ECT2L: variants seen among roughly 807,000 people sequenced by gnomAD.
ECT2L encodes epithelial cell transforming 2 like, also known as epithelial cell-transforming sequence 2 oncogene-like.
In ECT2L, 126 loss-of-function variants were observed where a neutral mutation model predicts 122.8. The observed-to-expected ratio is 1.03, with a 90% CI of 0.89 to 1.19. The LOEUF is 1.19. Among genes scored for constraint, ECT2L ranks in the 50% most tolerant of loss-of-function variants. The pLI, the probability that ECT2L is intolerant of heterozygous loss-of-function variation, is 0.00. For missense variants in ECT2L, 1,012 were observed against 1,064.1 expected, an observed-to-expected ratio of 0.95 and a Z score of 0.68; for synonymous variants, 385 against 381.8, an observed-to-expected ratio of 1.01 and a Z score of -0.10.
chr6:138,835,569 T>A (rs78350749), intron 4 of ECT2L, among the ~76,000 whole-genome samples: 4 of 145,280 alleles, frequency 2.8e-5, no homozygotes, highest in African/African-American at 5.0e-5. Flanking sequence ...AAAAAAAAAA[T>A]AGTTAACAGT....
At chr6:138,869,864 G>A (rs1311414237) in intron 13 of ECT2L, among the ~76,000 whole-genome samples, 2 of 152,116 alleles carry the variant, frequency 1.3e-5, no homozygotes, top group Non-Finnish European at 2.9e-5. Context: ...TTCCTCATTT[G>A]GCCAAGGGGT....
chr6:138,850,371 A>T (rs999846071), intron 9 of ECT2L, among the ~76,000 whole-genome samples: 1 of 151,922 alleles, frequency 6.6e-6, no homozygotes, highest in Non-Finnish European at 1.5e-5. Context: ...TCTTGCACTC[A>T]TGACCTCCAG....
intron 18 of ECT2L, among the ~76,000 whole-genome samples, chr6:138,886,512 A>C (rs991943034): frequency 3.3e-5 from 5 of 151,866 alleles, no homozygotes; most frequent in African/African-American, 1.2e-4. Context: ...GATTCAAGCA[A>C]TCCTCCCACC....
intron 15 of ECT2L, 51 bp downstream of exon 15, chr6:138,881,222 G>A: frequency 6.5e-7 from 1 of 1,535,850 alleles, no homozygotes; most frequent in East Asian, 2.4e-5. Flanking sequence ...ACTGAGAAGA[G>A]CCCATGCTTT....
At chr6:138,824,974 T>A (rs1014785846) in intron 4 of ECT2L, among the ~76,000 whole-genome samples, 1 of 152,122 alleles carries the variant, frequency 6.6e-6, no homozygotes, top group Admixed American at 6.6e-5. Context: ...AGCAACAGTA[T>A]GTGTGTGTGC....
chr6:138,862,517 T>G, intron 10 of ECT2L, 110 bp from the exon 11 acceptor site: 2 of 1,039,668 alleles, frequency 1.9e-6, no homozygotes, highest in Non-Finnish European at 2.9e-6. Context: ...ACCTCCAACG[T>G]TGGGGATTAG....
intron 4 of ECT2L, among the ~76,000 whole-genome samples, chr6:138,832,753 T>G (rs1234877324): frequency 6.7e-6 from 1 of 149,940 alleles, no homozygotes; most frequent in Non-Finnish European, 1.5e-5. Flanking sequence ...TTTTTGTTGT[T>G]TTTTTTTTAA....
rs200500625 is a variant in ECT2L at position 138,844,390 on chromosome 6, C to A, written c.596-22C>A. 3.3e-4 allele frequency: 533 copies of A among 1,610,042 alleles called. 1 individual carries two copies. Among genetic ancestry groups the A allele is most frequent in the Non-Finnish European group, 3.0e-4 (348 of 1,177,266 alleles). On this transcript the variant is annotated intron_variant, in intron 6 of 21. Transcript: ENST00000541398. ...GAGAAGTATGAAGTAATCAGCCCCG[C>A]CTGCTGTTCTTTGTTTTTCAGAGGA...
At chr6:138,871,909 A>G (rs575164093) in intron 13 of ECT2L, among the ~76,000 whole-genome samples, 5 of 152,160 alleles carry the variant, frequency 3.3e-5, no homozygotes, top group African/African-American at 9.6e-5. Flanking sequence ...TCCCCGACAA[A>G]GTGCCCAAGT....
At chr6:138,820,047 A>G (rs1346728561) in intron 4 of ECT2L, among the ~76,000 whole-genome samples, 1 of 152,158 alleles carries the variant, frequency 6.6e-6, no homozygotes, top group Non-Finnish European at 1.5e-5. Flanking sequence ...ACTGTTGATT[A>G]CTGGCCCAGC....
intron 20 of ECT2L, among the ~76,000 whole-genome samples, chr6:138,890,793 G>A (rs1217299306): frequency 6.6e-6 from 1 of 151,896 alleles, no homozygotes; most frequent in African/African-American, 2.4e-5. Context: ...TTTTTTGTGT[G>A]TAAAAAATTT....
chr6:138,837,749 G>C (rs1210691157), intron 4 of ECT2L, among the ~76,000 whole-genome samples: 1 of 151,754 alleles, frequency 6.6e-6, no homozygotes. Flanking sequence ...AAAATCTTGA[G>C]TTGTTTTAAA....
chr6:138,802,079 T>TCACTTGCTCACTTC, intron 1 of ECT2L, among the ~76,000 whole-genome samples: 1 of 152,322 alleles, frequency 6.6e-6, no homozygotes, highest in Non-Finnish European at 1.5e-5. Flanking sequence ...TCTTGCTCAC[T>TCACTTGCTCACTTC]CACTTGGGTG....
chr6:138,885,772 G>A lies in ECT2L; in HGVS notation c.2201G>A (p.Arg734His), dbSNP rs373798235. The A allele has an allele frequency of 3.5e-5, 57 of 1,614,038 alleles. No homozygotes were observed. Among genetic ancestry groups the A allele is most frequent in the African/African-American group, 5.3e-5 (4 of 74,922 alleles). ...CATACCCCTGCAGAGCATGTTGACC[G>A]TGGGGACTTGACCACTGCAATTGAC... ...RLHTPAEHVDRGDLTTAIDQI... is the reference protein window; with the variant it reads ...RLHTPAEHVDHGDLTTAIDQI... The change falls in exon 18 of 22, where the codon CGT becomes CAT. Residue 734 changes from arginine to histidine, a missense_variant. Arg to His is a conservative substitution (Grantham distance 29). Transcript: ENST00000541398.
chr6:138,865,106 T>C lies in ECT2L; in HGVS notation c.1402T>C (p.Leu468=), dbSNP rs1777982089. 1.9e-6 allele frequency: 3 copies of C among 1,614,074 alleles called. No individual in the cohort carries two copies. The South Asian group carries it at 3.3e-5, about 18-fold the overall frequency. The stretch of plus-strand genomic sequence containing the variant: ...CTTCACAGACTTCCTAGAAGAAACC[T>C]TGAAAACAGTAAGGAAGCAGCTGTA... ...SSFTDFLEET[L]KTVRKQLYPF... Residue 468 remains leucine, a synonymous_variant, in exon 12 of 22, where the codon TTG becomes CTG. Coordinates refer to ENST00000541398, the MANE Select transcript of ECT2L (RefSeq NM_001077706.3).
chr6:138,871,642 C>A (rs1434452706), intron 13 of ECT2L, among the ~76,000 whole-genome samples: 2 of 152,066 alleles, frequency 1.3e-5, no homozygotes, highest in Non-Finnish European at 2.9e-5. Context: ...CCCGTCTCTA[C>A]TAAAAATACT....
At chr6:138,902,380 T>G in intron 21 of ECT2L, 120 bp from the exon 22 acceptor site, 1 of 819,140 alleles carries the variant, frequency 1.2e-6, no homozygotes, top group Middle Eastern at 3.8e-4. Context: ...ACACTGAATA[T>G]GTATTTCTTT....
intron 5 of ECT2L, among the ~76,000 whole-genome samples, chr6:138,839,483 C>T (rs935497644): frequency 6.6e-6 from 1 of 152,012 alleles, no homozygotes; most frequent in African/African-American, 2.4e-5. Flanking sequence ...CTCACCTCAA[C>T]CTCCCAAGTA....
At chr6:138,842,678 A>G (rs1777082406) in intron 5 of ECT2L, among the ~76,000 whole-genome samples, 1 of 151,942 alleles carries the variant, frequency 6.6e-6, no homozygotes. Context: ...AGGCTGAGGC[A>G]GGAGAATGGC....
Sources: allele counts gnomAD v4.1 joint callset (sites outside exome capture counted in the v4.1 genomes callset), GRCh38; gene constraint gnomAD v4.1.1; transcripts MANE v1.5; gene names NCBI Gene and HGNC (gene_info 2026-07-23, HGNC 2026-07-21).